The following RPS6KC1 variants were observed in gnomAD, a reference collection of about 807,000 sequenced individuals.
RPS6KC1 encodes inactive ribosomal protein S6 kinase delta-1.
In RPS6KC1, 54 loss-of-function variants were observed where a neutral mutation model predicts 103.8. The observed-to-expected ratio is 0.52, with a 90% confidence interval of 0.42 to 0.65. The LOEUF (loss-of-function observed/expected upper bound fraction) is 0.65. Ranked by LOEUF, RPS6KC1 falls within the 30% of genes least tolerant of loss-of-function variation. The probability of loss-of-function intolerance (pLI) is 0.00; values close to 1 mark genes in which losing one functional copy is unlikely to be tolerated. For missense variants in RPS6KC1, 1,151 were observed against 1,253.8 expected, an observed-to-expected ratio of 0.92 and a Z score of 1.24; for synonymous variants, 439 against 438.7, an observed-to-expected ratio of 1.00 and a Z score of -0.01.
the RPS6KC1 span, among the ~76,000 whole-genome samples, chr1:213,531,855 G>C: frequency 1.3e-5 from 2 of 152,150 alleles, no homozygotes; most frequent in Non-Finnish European, 1.5e-5. Context: ...AGAGGACAAA[G>C]AGCCACTGAG....
At chr1:213,057,852 C>T (rs1322342237) in intron 1 of RPS6KC1, among the ~76,000 whole-genome samples, 1 of 144,580 alleles carries the variant, frequency 6.9e-6, no homozygotes, top group East Asian at 2.1e-4. Context: ...TAGCCTTGAC[C>T]TCCTGAGCTC....
the RPS6KC1 span, among the ~76,000 whole-genome samples, chr1:213,746,970 G>A: frequency 0.31 from 47,888 of 152,098 alleles, 8,023 homozygotes; most frequent in East Asian, 0.53. Flanking sequence ...TGCAACTGGA[G>A]ACACAAGTAC....
At chr1:213,236,996 A>G (rs2094235645) in intron 10 of RPS6KC1, among the ~76,000 whole-genome samples, 1 of 152,142 alleles carries the variant, frequency 6.6e-6, no homozygotes. Context: ...CCCCAGAAAT[A>G]GGTACTCTTT....
chr1:213,735,113 T>C, the RPS6KC1 span, among the ~76,000 whole-genome samples: 2 of 152,138 alleles, frequency 1.3e-5, no homozygotes, highest in Non-Finnish European at 2.9e-5. Context: ...TTAGTAGAGA[T>C]GGGGTTTCAC....
chr1:213,569,689 A>T, the RPS6KC1 span, among the ~76,000 whole-genome samples: 1 of 152,234 alleles, frequency 6.6e-6, no homozygotes, highest in Non-Finnish European at 1.5e-5. Context: ...GTAATATAAC[A>T]GCTACTGTGG....
chr1:213,586,976 C>A, the RPS6KC1 span, among the ~76,000 whole-genome samples: 4 of 152,196 alleles, frequency 2.6e-5, no homozygotes, highest in Non-Finnish European at 5.9e-5. Context: ...TAATCCCCCA[C>A]GCAAGTCACC....
the RPS6KC1 span, among the ~76,000 whole-genome samples, chr1:213,848,838 T>C: frequency 1.6e-4 from 24 of 152,278 alleles, 2 homozygotes; most frequent in Admixed American, 9.2e-4. Flanking sequence ...AAGGTCTTAA[T>C]TGTAGTTCCT....
the RPS6KC1 span, among the ~76,000 whole-genome samples, chr1:213,602,011 C>CTTTCTTTCT: frequency 1.4e-4 from 2 of 14,080 alleles, 1 homozygote; most frequent in Non-Finnish European, 3.9e-4. Flanking sequence ...CTTTTCTTTT[C>CTTTCTTTCT]TTTTCTTTCT....
At chr1:213,369,083 A>G in the RPS6KC1 span, among the ~76,000 whole-genome samples, 2 of 152,324 alleles carry the variant, frequency 1.3e-5, no homozygotes, top group South Asian at 4.1e-4. Context: ...TTCTGTTTAC[A>G]TAGTGGAACT....
chr1:213,708,593 T>C, the RPS6KC1 span, among the ~76,000 whole-genome samples: 3 of 152,190 alleles, frequency 2.0e-5, 1 homozygote, highest in Middle Eastern at 6.3e-3. Flanking sequence ...CTGTTTTGAA[T>C]AGGAGTGGTG....
the RPS6KC1 span, among the ~76,000 whole-genome samples, chr1:213,401,609 C>T: frequency 6.6e-6 from 1 of 152,122 alleles, no homozygotes; most frequent in Non-Finnish European, 1.5e-5. Flanking sequence ...AAATGTCTCC[C>T]ATCCCCACCG....
the RPS6KC1 span, among the ~76,000 whole-genome samples, chr1:213,525,182 G>A: frequency 3.3e-5 from 5 of 152,172 alleles, no homozygotes; most frequent in African/African-American, 1.2e-4. Context: ...AAAAGCTGGT[G>A]GCTTGAATCA....
the RPS6KC1 span, among the ~76,000 whole-genome samples, chr1:213,804,396 C>G: frequency 3.3e-5 from 5 of 151,670 alleles, no homozygotes; most frequent in Non-Finnish European, 5.9e-5. Flanking sequence ...TCCAAGGCCT[C>G]CTTTCTATTC....
chr1:213,688,030 T>C, the RPS6KC1 span, among the ~76,000 whole-genome samples: 1 of 152,196 alleles, frequency 6.6e-6, no homozygotes, highest in African/African-American at 2.4e-5. Context: ...TACTCTCAGT[T>C]GGTGTGGGGC....
chr1:213,850,287 CAA>C, the RPS6KC1 span, among the ~76,000 whole-genome samples: 60 of 152,256 alleles, frequency 3.9e-4, 1 homozygote, highest in African/African-American at 1.4e-3. Context: ...TACTAGATCA[CAA>C]AGAGTTTTTT....
the RPS6KC1 span, among the ~76,000 whole-genome samples, chr1:213,775,971 A>G: frequency 6.6e-6 from 1 of 152,218 alleles, no homozygotes; most frequent in Non-Finnish European, 1.5e-5. Flanking sequence ...TTGCTCACCC[A>G]TAAGAAGCAA....
chr1:213,554,560 T>C, the RPS6KC1 span, among the ~76,000 whole-genome samples: 1,074 of 152,314 alleles, frequency 7.1e-3, 11 homozygotes, highest in African/African-American at 0.021. Flanking sequence ...ATTCTGAATA[T>C]CACAATTGTT....
chr1:213,230,976 C>G (rs1315885586), intron 9 of RPS6KC1, among the ~76,000 whole-genome samples: 1 of 150,362 alleles, frequency 6.7e-6, no homozygotes, highest in South Asian at 2.1e-4. Flanking sequence ...GTTAATATAT[C>G]CCCCCCCTAG....
At chr1:213,329,889 C>A in the RPS6KC1 span, among the ~76,000 whole-genome samples, 1 of 152,050 alleles carries the variant, frequency 6.6e-6, no homozygotes, top group South Asian at 2.1e-4. Flanking sequence ...CTTCCTTTCA[C>A]ATAGGAAGGA....
Sources: gnomAD v4.1 joint callset for allele counts (sites outside exome capture counted in the v4.1 genomes callset) on GRCh38, gnomAD v4.1.1 for gene constraint, MANE v1.5 for transcripts, NCBI Gene and HGNC (gene_info 2026-07-23, HGNC 2026-07-21) for gene names.